Variants in PIGR observed in about 807,000 individuals in gnomAD.
PIGR encodes polymeric immunoglobulin receptor.
In PIGR, 22 loss-of-function variants were observed where a neutral mutation model predicts 69.5. That is an observed-to-expected ratio of 0.32 (90% CI 0.23 to 0.45). The LOEUF is 0.45. PIGR is among the 20% of genes least tolerant of loss of function. The pLI is 1.00. For synonymous variants in PIGR, 413 were observed against 407.6 expected (o/e 1.01, Z -0.16); for missense variants, 885 against 974.0 (o/e 0.91, Z 1.22).
rs375273370 is a variant in PIGR, at chr1:206,930,452, T to G, written c.2200-39A>C. On this transcript the variant is annotated intron_variant, in intron 10 of 10. Coordinates refer to ENST00000356495, the MANE Select transcript of PIGR (RefSeq NM_002644.4). This position sits in a 1 kb window ranked among gnomAD's most constrained non-coding sequence, Gnocchi z 4.3. ...GGAGAGGCATCAGTGTTGGGGGCAC[T>G]GGCTCAGTGGGTGGAGTCAGGGGAG... 2 of 1,594,970 alleles carry G rather than the reference T, an allele frequency of 1.3e-6. No individual in the cohort carries two copies. The highest frequency in any genetic ancestry group is 2.7e-5 in the African/African-American group (2 of 74,412).
Position 206,935,750 on chromosome 1 carries a change from G to A in PIGR, c.1114C>T (p.Pro372Ser), listed in dbSNP as rs1679850157. ...VAGGSVAVLC[P>S]YNRKESKSIK... Reference sequence around the variant, plus strand: ...CTTTTGCTTTCCTTACGGTTGTAGGGGCAGAGCACGGCCACAGAGCCTCCT... The same window carrying A: ...CTTTTGCTTTCCTTACGGTTGTAGGAGCAGAGCACGGCCACAGAGCCTCCT... The change falls in exon 5 of 11, where the codon CCC becomes TCC. Residue 372 changes from proline to serine, a missense_variant. By Grantham distance (74) the Pro-to-Ser change is moderately conservative. Coordinates refer to ENST00000356495, the MANE Select transcript of PIGR (RefSeq NM_002644.4). This position sits in a 1 kb window ranked among gnomAD's most constrained non-coding sequence, Gnocchi z 4.4. The A allele has an allele frequency of 6.8e-6, 11 of 1,613,754 alleles. No individual in the cohort carries two copies. Among genetic ancestry groups the A allele is most frequent in the Non-Finnish European group, 9.3e-6 (11 of 1,179,830 alleles).
At chr1:206,931,460 C>CT in intron 10 of PIGR, 37 bp downstream of exon 10, 1 of 1,614,046 alleles carries the variant, frequency 6.2e-7, no homozygotes, top group South Asian at 1.1e-5. Context: ...TGCTGCATTT[C>CT]TTTGTCATGT....
At position 206,928,836 on chromosome 1, in the gene PIGR, A is replaced by G. The variant is rs1476604966; in HGVS notation, c.*1482T>C. On this transcript the variant is annotated 3_prime_UTR_variant, in exon 11 of 11. Transcript: ENST00000356495. ...TCTTCTCCCTCCTCCTCCTTATTCT[A>G]AAACTGTGCCTCCAACAGAGGGGCA... 6.6e-6 allele frequency: 1 copy of G among 152,544 alleles called. No individual in the cohort carries two copies. The highest frequency in any genetic ancestry group is 1.5e-5 in the Non-Finnish European group (1 of 68,050). 9.4% of individuals were successfully genotyped at this position (152,544 alleles called of 1,614,324 possible).
Position 206,935,443 on chromosome 1 carries a change from C to A in PIGR, c.1378+43G>T. On this transcript the variant is annotated intron_variant, in intron 5 of 10. Coordinates refer to ENST00000356495, the MANE Select transcript of PIGR (RefSeq NM_002644.4). The surrounding 1 kb of genome is among the most constrained non-coding windows in gnomAD (Gnocchi z 4.4). The stretch of plus-strand genomic sequence containing the variant: ...GAGTGGTTGGGGATGCTGCTGCTGG[C>A]TGGAGAGGTTTTAGAGCTTTCTCCC... 6 of 1,504,444 alleles carry A rather than the reference C, an allele frequency of 4.0e-6. No individual in the cohort carries two copies. Among genetic ancestry groups the A allele is most frequent in the Non-Finnish European group, 5.5e-6 (6 of 1,095,238 alleles). 93.2% of individuals were successfully genotyped at this position (1,504,444 alleles called of 1,614,324 possible).
intron 10 of PIGR, 141 bp downstream of exon 10, chr1:206,931,356 A>G: frequency 1.3e-6 from 2 of 1,558,288 alleles, no homozygotes; most frequent in Non-Finnish European, 1.7e-6. Flanking sequence ...AAAAGTCCTG[A>G]GGACTCCTGA....
intron 4 of PIGR, among the ~76,000 whole-genome samples, chr1:206,936,676 C>T (rs1679867643): frequency 6.6e-6 from 1 of 152,034 alleles, no homozygotes; most frequent in Non-Finnish European, 1.5e-5. Flanking sequence ...CCTGGGAACG[C>T]ATTGAGACCA....
At chr1:206,931,449 A>G in intron 10 of PIGR, 48 bp downstream of exon 10, 1 of 1,613,162 alleles carries the variant, frequency 6.2e-7, no homozygotes. Flanking sequence ...GCATCCCCTC[A>G]TGCTGCATTT....
intron 10 of PIGR, chr1:206,931,145 T>C (rs1304192428): frequency 2.0e-6 from 2 of 985,344 alleles, no homozygotes; most frequent in South Asian, 9.4e-5. Context: ...CCTGAGGTCC[T>C]TGGGTCCCCC....
chr1:206,934,374 C>T (rs1269809677), intron 6 of PIGR, 46 bp downstream of exon 6: 1 of 1,532,330 alleles, frequency 6.5e-7, no homozygotes, highest in Non-Finnish European at 8.9e-7. Context: ...TCAGGAAGTC[C>T]TGCCTCTGGG....
chr1:206,942,147 G>A (rs1255585067), intron 1 of PIGR, among the ~76,000 whole-genome samples: 5 of 152,372 alleles, frequency 3.3e-5, no homozygotes, highest in Middle Eastern at 3.4e-3. Context: ...AATAAAGGGA[G>A]GGAGTGGGAA....
intron 1 of PIGR, among the ~76,000 whole-genome samples, chr1:206,943,906 G>C (rs886698248): frequency 6.6e-6 from 1 of 152,176 alleles, no homozygotes; most frequent in African/African-American, 2.4e-5. Context: ...GCCACCATAG[G>C]AGATGGGACA....
At chr1:206,932,895 G>T in intron 7 of PIGR, 91 bp downstream of exon 7, 1 of 1,317,646 alleles carries the variant, frequency 7.6e-7, no homozygotes, top group Non-Finnish European at 1.1e-6. Flanking sequence ...TCAAGAGACA[G>T]ATGGGCTTTC....
intron 1 of PIGR, 48 bp from the exon 2 acceptor site, chr1:206,940,632 GACTAGTTGACCTTAGAGT>G: frequency 2.5e-6 from 3 of 1,182,610 alleles, no homozygotes; most frequent in Non-Finnish European, 3.5e-6. Flanking sequence ...TGTCTTCCAA[GACTAGTTGACCTTAGAGT>G]TTCTGTGACA....
chr1:206,937,317 T>C lies in PIGR; in HGVS notation c.823A>G (p.Ser275Gly). 1 of 1,613,018 alleles carries C rather than the reference T, an allele frequency of 6.2e-7. No homozygotes were observed. The highest frequency in any genetic ancestry group is 1.1e-5 in the South Asian group (1 of 90,962). Residue 275 changes from serine (S) to glycine (G), a missense_variant, in exon 4 of 11, where the codon AGT (serine) becomes GGT (glycine). Ser to Gly is a moderately conservative substitution (Grantham distance 56). Coordinates refer to ENST00000356495, the MANE Select transcript of PIGR (RefSeq NM_002644.4). Reference sequence around the variant, plus strand: ...ACGACCACGTCACAGTTTTCCCCACTGCTCTGTCGGCACAGAAATTTGGCC... The same window carrying C: ...ACGACCACGTCACAGTTTTCCCCACCGCTCTGTCGGCACAGAAATTTGGCC... The part of the protein sequence containing the change: ...NVAKFLCRQS[S>G]GENCDVVVNT...
chr1:206,933,311 T>G, intron 6 of PIGR, 145 bp from the exon 7 acceptor site: 1 of 717,556 alleles, frequency 1.4e-6, no homozygotes, highest in Non-Finnish European at 2.3e-6. Flanking sequence ...CAGGATGACA[T>G]TAGAAACAGC....
intron 1 of PIGR, among the ~76,000 whole-genome samples, chr1:206,944,407 A>G (rs1375744249): frequency 6.6e-6 from 1 of 152,194 alleles, no homozygotes; most frequent in African/African-American, 2.4e-5. Flanking sequence ...CAGGAGGTGG[A>G]GGTTGCAGTA....
intron 3 of PIGR, among the ~76,000 whole-genome samples, chr1:206,938,496 G>A (rs1679912562): frequency 6.6e-6 from 1 of 152,136 alleles, no homozygotes; most frequent in Non-Finnish European, 1.5e-5. Context: ...CTTTTGAGTT[G>A]CCCTTGACTA....
rs1451819410 is a variant in PIGR, at chr1:206,935,952, G to A, written c.1046-134C>T. On this transcript the variant is annotated intron_variant, in intron 4 of 10. Transcript: ENST00000356495. This position sits in a 1 kb window ranked among gnomAD's most constrained non-coding sequence, Gnocchi z 4.4. ...TACACGCATCACCTTACCCTCTTCA[G>A]AAAATGAAAAGGAGCTTTCCTAATG... 9.3e-6 allele frequency: 6 copies of A among 642,940 alleles called. No individual in the cohort carries two copies. The highest frequency in any genetic ancestry group is 7.3e-5 in the African/African-American group (4 of 54,788). The allele number at this position is 642,940 out of a possible 1,614,324, so 39.8% of individuals were successfully genotyped here.
rs987183475 is a variant in PIGR, at chr1:206,930,580, C to A, written c.2200-167G>T. The stretch of plus-strand genomic sequence containing the variant: ...GCCCCCATGCTCACCAAGAAGGACG[C>A]ATTTTGAGAAATGGAAAGTTGCAGC... On this transcript the variant is annotated intron_variant, in intron 10 of 10. Coordinates refer to ENST00000356495, the MANE Select transcript of PIGR (RefSeq NM_002644.4). This position sits in a 1 kb window ranked among gnomAD's most constrained non-coding sequence, Gnocchi z 4.3. 5.1e-6 allele frequency: 5 copies of A among 985,388 alleles called. No homozygotes were observed. Among genetic ancestry groups the A allele is most frequent in the Non-Finnish European group, 6.0e-6 (5 of 829,926 alleles). The allele number at this position is 985,388 out of a possible 1,614,324, so 61.0% of individuals were successfully genotyped here.
Sources: gnomAD v4.1 joint callset for allele counts (sites outside exome capture counted in the v4.1 genomes callset) on GRCh38, gnomAD v4.1.1 for gene constraint, Gnocchi (gnomAD v3.1) non-coding constraint, MANE v1.5 for transcripts, NCBI Gene and HGNC (gene_info 2026-07-23, HGNC 2026-07-21) for gene names.